MATK: variants seen among roughly 807,000 people sequenced by gnomAD.
The protein encoded by MATK is megakaryocyte-associated tyrosine kinase, also known as megakaryocyte-associated tyrosine-protein kinase.
MATK carries 41 observed loss-of-function variants against 59.8 expected under a neutral mutation model. The ratio of observed to expected loss-of-function variants is 0.69; its 90% CI spans 0.53 to 0.89. The LOEUF is 0.89. MATK is among the 40% of genes least tolerant of loss of function. The probability of loss-of-function intolerance (pLI) is 0.00; values close to 1 mark genes in which losing one functional copy is unlikely to be tolerated. For synonymous variants in MATK, 308 were observed against 306.1 expected (o/e 1.01, Z -0.06); for missense variants, 593 against 719.6 (o/e 0.82, Z 2.01).
intron 6 of MATK, among the ~76,000 whole-genome samples, chr19:3,783,550 C>T (rs2037431270): frequency 6.6e-6 from 1 of 151,890 alleles, no homozygotes; most frequent in African/African-American, 2.4e-5. Context: ...TGGGGGTCCT[C>T]CTGTCTGCCC....
At chr19:3,778,618 G>A (rs1440648105) in intron 12 of MATK, 23 bp from the exon 13 acceptor site, 2 of 1,592,562 alleles carry the variant, frequency 1.3e-6, no homozygotes, top group Non-Finnish European at 8.5e-7. Context: ...AGACGGGGGT[G>A]AGGAGGGACC....
At chr19:3,793,835 T>C (rs1230354962) in intron 1 of MATK, among the ~76,000 whole-genome samples, 1 of 152,052 alleles carries the variant, frequency 6.6e-6, no homozygotes, top group Non-Finnish European at 1.5e-5. Flanking sequence ...GGCCACTGCA[T>C]TCCAGCCTGG....
chr19:3,784,436 C>T lies in MATK; in HGVS notation c.148G>A (p.Gly50Ser). ...ARMPTRRWAP[G>S]TQCITKCEHT... Reference sequence around the variant, plus strand: ...TCGCATTTGGTGATACACTGGGTGCCCGGGGCCCAGCGCCTCTGCAGAGGG... The same window carrying T: ...TCGCATTTGGTGATACACTGGGTGCTCGGGGCCCAGCGCCTCTGCAGAGGG... The change falls in exon 4 of 14, where the codon GGC becomes AGC. Residue 50 changes from glycine (G) to serine (S), a missense_variant. Gly to Ser is a moderately conservative substitution (Grantham distance 56, BLOSUM62 0). Transcript: ENST00000310132. 6.3e-7 allele frequency: 1 copy of T among 1,598,120 alleles called. No homozygotes were observed. Among genetic ancestry groups the T allele is most frequent in the Non-Finnish European group, 8.5e-7 (1 of 1,175,356 alleles).
intron 1 of MATK, among the ~76,000 whole-genome samples, chr19:3,799,343 A>T (rs1257640274): frequency 6.6e-6 from 1 of 152,172 alleles, no homozygotes; most frequent in Non-Finnish European, 1.5e-5. Flanking sequence ...CTGTGACTAG[A>T]GCCCAGAGTC....
chr19:3,789,693 G>C (rs999397956), upstream of MATK, among the ~76,000 whole-genome samples: 1 of 151,570 alleles, frequency 6.6e-6, no homozygotes, highest in Admixed American at 6.6e-5. Flanking sequence ...TCAGGAGGGG[G>C]TGAGGCATCC....
Position 3,783,888 on chromosome 19 carries a change from G to C in MATK, c.508C>G (p.Arg170Gly), listed in dbSNP as rs774669158. 1 of 1,613,016 alleles carries C rather than the reference G, an allele frequency of 6.2e-7. No individual in the cohort carries two copies. The highest frequency in any genetic ancestry group is 1.3e-5 in the African/African-American group (1 of 74,920). The change falls in exon 6 of 14, where the codon CGC (arginine) becomes GGC (glycine). Residue 170 changes from arginine (R) to glycine (G), a missense_variant. Arg to Gly is a moderately radical substitution (Grantham distance 125). Coordinates refer to ENST00000310132, the MANE Select transcript of MATK (RefSeq NM_139355.3). The part of the protein sequence containing the change: ...VSFGRDVIHY[R>G]VLHRDGHLTI... ...AGGTGGCCGTCGCGGTGCAGCACGC[G>C]GTAGTGGATGACGTCGCGGCCAAAG...
chr19:3,778,460 G>A (rs1295467083), intron 13 of MATK, 38 bp from the exon 14 acceptor site: 1 of 1,613,552 alleles, frequency 6.2e-7, no homozygotes, highest in Non-Finnish European at 8.5e-7. Flanking sequence ...CAGGGCCACA[G>A]CCTCTGGACC....
In MATK at chr19:3,784,461, G is replaced by T. The variant is rs371077597; in HGVS notation, c.133-10C>A. 3 of 1,578,806 alleles carry T rather than the reference G, an allele frequency of 1.9e-6. No individual in the cohort carries two copies. The highest frequency in any genetic ancestry group is 1.9e-4 in the Middle Eastern group (1 of 5,154). ...CCGGGGCCCAGCGCCTCTGCAGAGGGGGCCGGGAGAGGGGCAAAGGGAGGA... is the reference window on the plus strand; with the variant it reads ...CCGGGGCCCAGCGCCTCTGCAGAGGTGGCCGGGAGAGGGGCAAAGGGAGGA... On this transcript the variant is annotated splice_polypyrimidine_tract_variant and intron_variant, in intron 3 of 13. Coordinates refer to ENST00000310132, the MANE Select transcript of MATK (RefSeq NM_139355.3).
At chr19:3,800,585 G>T (rs755368966) in intron 1 of MATK, among the ~76,000 whole-genome samples, 1 of 152,086 alleles carries the variant, frequency 6.6e-6, no homozygotes, top group Non-Finnish European at 1.5e-5. Flanking sequence ...GGCGGAGGTT[G>T]TGGTGAGCCG....
chr19:3,779,046 T>C lies in MATK; in HGVS notation c.1143A>G (p.Leu381=). ...ACTTGACGGGCAGCCGGCTTGAGTCTAGCCCCTTCCGCTCGGCTTTGGCCA... is the reference window on the plus strand; with the variant it reads ...ACTTGACGGGCAGCCGGCTTGAGTCCAGCCCCTTCCGCTCGGCTTTGGCCA... The part of the protein sequence containing the change: ...FGLAKAERKG[L]DSSRLPVKWT... The change falls in exon 12 of 14, where the codon CTA becomes CTG. Residue 381 remains leucine, a synonymous_variant. Coordinates refer to ENST00000310132, the MANE Select transcript of MATK (RefSeq NM_139355.3). 1 of 1,603,510 alleles carries C rather than the reference T, an allele frequency of 6.2e-7. No individual in the cohort carries two copies. The highest frequency in any genetic ancestry group is 1.1e-5 in the South Asian group (1 of 90,838).
chr19:3,794,449 T>C lies in MATK; in HGVS notation c.-57-5045A>G, dbSNP rs140546926. Among the ~76,000 whole-genome samples, 696 of 152,186 alleles carry C rather than the reference T, an allele frequency of 4.6e-3. 3 individuals carry two copies. The highest frequency in any genetic ancestry group is 0.015 in the South Asian group (74 of 4,814). ...TGGGAGGATTGCTTGAGCCCTGCCA[T>C]TGGAGACCAGTCTGGCCAACATAGT... On this transcript the variant is annotated intron_variant, in intron 1 of 13. Coordinates refer to the MATK transcript ENST00000395045.
At chr19:3,795,751 C>CTTTTTTTTT (rs530367941) in intron 1 of MATK, among the ~76,000 whole-genome samples, 4 of 54,784 alleles carry the variant, frequency 7.3e-5, no homozygotes, top group African/African-American at 2.1e-4. Context: ...TAAGTAGGTG[C>CTTTTTTTTT]TTTTTTTTTT....
intron 1 of MATK, chr19:3,785,571 G>A (rs1286919983): frequency 4.2e-6 from 1 of 236,052 alleles, no homozygotes; most frequent in Non-Finnish European, 8.5e-6. Context: ...GCCCCTCCAA[G>A]ATGCGCCTCC....
chr19:3,791,838 T>C (rs1383924343), intron 1 of MATK, among the ~76,000 whole-genome samples: 1 of 151,884 alleles, frequency 6.6e-6, no homozygotes, highest in African/African-American at 2.4e-5. Context: ...CCAGGCACGG[T>C]GGCTCACACC....
At position 3,778,534 on chromosome 19, in the gene MATK, T is replaced by G; in HGVS notation, c.1259A>C (p.Tyr420Ser). 1 of 1,613,864 alleles carries G rather than the reference T, an allele frequency of 6.2e-7. No homozygotes were observed. Among genetic ancestry groups the G allele is most frequent in the Non-Finnish European group, 8.5e-7 (1 of 1,179,948 alleles). Residue 420 changes from tyrosine to serine, a missense_variant, in exon 13 of 14, where the codon TAT becomes TCT. By Grantham distance (144) the Tyr-to-Ser change is moderately radical (BLOSUM62 -2). Transcript: ENST00000310132. ...FGVLLWEVFS[Y>S]GRAPYPKMSL... ...CATTTTAGGGTACGGAGCCCGTCCA[T>G]ATGAGAAGACCTCCCAGAGCAGCAC...
chr19:3,791,728 A>AC (rs1048017751), intron 1 of MATK, among the ~76,000 whole-genome samples: 3 of 150,620 alleles, frequency 2.0e-5, no homozygotes, highest in Non-Finnish European at 4.4e-5. Flanking sequence ...CCTCCCATAG[A>AC]CCCCCCTCTG....
Position 3,778,363 on chromosome 19 carries a change from G to A in MATK, c.1344C>T (p.Gly448=). 5 of 1,604,954 alleles carry A rather than the reference G, an allele frequency of 3.1e-6. No homozygotes were observed. The highest frequency in any genetic ancestry group is 4.3e-6 in the Non-Finnish European group (5 of 1,176,444). The change falls in exon 14 of 14, where the codon GGC becomes GGT. Residue 448 remains glycine (G), a synonymous_variant. Transcript: ENST00000310132. The part of the protein sequence containing the change: ...EKGYRMEPPE[G]CPGPVHVLMS... ...TGAGGACGTGCACGGGGCCTGGACA[G>A]CCCTCGGGGGGTTCCATGCGGTACC...
At chr19:3,799,937 T>C (rs1303433377) in intron 1 of MATK, among the ~76,000 whole-genome samples, 2 of 150,742 alleles carry the variant, frequency 1.3e-5, no homozygotes. Context: ...GGTCAAGAGA[T>C]CGAGACCATC....
intron 8 of MATK, among the ~76,000 whole-genome samples, chr19:3,780,725 C>T (rs2037388661): frequency 6.6e-6 from 1 of 151,870 alleles, no homozygotes; most frequent in Non-Finnish European, 1.5e-5. Flanking sequence ...AGCCACTGTG[C>T]CCGGCCAACA....
Sources: allele counts gnomAD v4.1 joint callset (sites outside exome capture counted in the v4.1 genomes callset), GRCh38; gene constraint gnomAD v4.1.1; transcripts MANE v1.5; gene names NCBI Gene and HGNC (gene_info 2026-07-23, HGNC 2026-07-21).